PTPRG: variants seen among roughly 807,000 people sequenced by gnomAD.
PTPRG encodes protein tyrosine phosphatase receptor type G.
In PTPRG, 102 loss-of-function variants were observed where a neutral mutation model predicts 165.3. The ratio of observed to expected loss-of-function variants is 0.62; its 90% CI spans 0.53 to 0.73. The LOEUF (loss-of-function observed/expected upper bound fraction) is 0.73, where lower values mean the gene tolerates loss of function less well. Ranked by LOEUF, PTPRG falls within the 30% of genes least tolerant of loss-of-function variation. The pLI is 0.00. For synonymous variants in PTPRG, 675 were observed against 669.5 expected, an observed-to-expected ratio of 1.01 and a Z score of -0.13; for missense variants, 1,866 against 1,861.4, an observed-to-expected ratio of 1.00 and a Z score of -0.05.
intron 2 of PTPRG, among the ~76,000 whole-genome samples, chr3:61,898,566 C>G (rs562894244): frequency 1.3e-5 from 2 of 152,140 alleles, no homozygotes; most frequent in Non-Finnish European, 2.9e-5. Context: ...ATATTTAAAC[C>G]TAGCTTTTCT....
At chr3:62,116,404 A>T (rs1702871622) in intron 5 of PTPRG, among the ~76,000 whole-genome samples, 1 of 152,212 alleles carries the variant, frequency 6.6e-6, no homozygotes, top group South Asian at 2.1e-4. Context: ...GCTTTATGCA[A>T]CAGAAAGAGA....
At chr3:62,024,321 G>A (rs2041761124) in intron 4 of PTPRG, among the ~76,000 whole-genome samples, 1 of 152,074 alleles carries the variant, frequency 6.6e-6, no homozygotes, top group African/African-American at 2.4e-5. Flanking sequence ...TACTTTTACA[G>A]AACTCCCATC....
At chr3:61,918,483 T>C (rs2038996948) in intron 2 of PTPRG, among the ~76,000 whole-genome samples, 2 of 152,204 alleles carry the variant, frequency 1.3e-5, no homozygotes, top group South Asian at 4.1e-4. Flanking sequence ...GTGTTTGAGA[T>C]ACTAATTATT....
chr3:62,106,674 T>G (rs1280696000), intron 5 of PTPRG, among the ~76,000 whole-genome samples: 1 of 152,168 alleles, frequency 6.6e-6, no homozygotes, highest in Admixed American at 6.5e-5. Flanking sequence ...TGCTAACTTT[T>G]GTATGTTTTG....
intron 2 of PTPRG, among the ~76,000 whole-genome samples, chr3:61,946,945 T>A (rs2039775357): frequency 6.6e-6 from 1 of 152,210 alleles, no homozygotes; most frequent in Non-Finnish European, 1.5e-5. Flanking sequence ...TGACAGCTCT[T>A]ATTAAAAGGA....
chr3:61,747,885 C>T (rs867273268), intron 1 of PTPRG, among the ~76,000 whole-genome samples: 1 of 151,848 alleles, frequency 6.6e-6, no homozygotes, highest in Non-Finnish European at 1.5e-5. Context: ...CGTGTAATTC[C>T]GTTTCATTTT....
At chr3:62,004,729 G>A (rs925774135) in intron 4 of PTPRG, among the ~76,000 whole-genome samples, 2 of 152,184 alleles carry the variant, frequency 1.3e-5, no homozygotes, top group Admixed American at 6.5e-5. Context: ...AGTTCCAGCC[G>A]ATGGCTGTAT....
chr3:61,565,318 A>G (rs193237304), intron 1 of PTPRG, among the ~76,000 whole-genome samples: 11 of 152,308 alleles, frequency 7.2e-5, no homozygotes, highest in Admixed American at 5.9e-4. Context: ...ACCAAACATG[A>G]TATTAGGCAT....
At chr3:61,729,392 A>G (rs757631612) in intron 1 of PTPRG, among the ~76,000 whole-genome samples, 6 of 152,126 alleles carry the variant, frequency 3.9e-5, no homozygotes, top group East Asian at 1.9e-4. Context: ...AAAAACCGCT[A>G]TATTTTTGGG....
intron 2 of PTPRG, among the ~76,000 whole-genome samples, chr3:61,867,085 A>G (rs1489972113): frequency 2.0e-5 from 3 of 152,136 alleles, no homozygotes; most frequent in East Asian, 3.9e-4. Flanking sequence ...AGGGATCAGT[A>G]CCAGATGGCC....
intron 2 of PTPRG, among the ~76,000 whole-genome samples, chr3:61,808,598 T>A (rs1416334183): frequency 6.6e-6 from 1 of 152,176 alleles, no homozygotes; most frequent in Non-Finnish European, 1.5e-5. Flanking sequence ...CATTTAATTA[T>A]GTAGGACACA....
At chr3:61,704,995 A>C (rs1447189521) in intron 1 of PTPRG, among the ~76,000 whole-genome samples, 1 of 152,180 alleles carries the variant, frequency 6.6e-6, no homozygotes. Flanking sequence ...CTGTTAAATC[A>C]TGTTAAAGCC....
chr3:62,032,604 T>A (rs1699805079), intron 4 of PTPRG, among the ~76,000 whole-genome samples: 1 of 152,138 alleles, frequency 6.6e-6, no homozygotes, highest in Admixed American at 6.5e-5. Context: ...GAAGACGTTT[T>A]CCTTGACAGC....
chr3:61,809,687 A>T (rs1054999837), intron 2 of PTPRG, among the ~76,000 whole-genome samples: 1 of 152,190 alleles, frequency 6.6e-6, no homozygotes, highest in Admixed American at 6.5e-5. Flanking sequence ...AGAAAATAAT[A>T]TAGTTATTCT....
intron 2 of PTPRG, among the ~76,000 whole-genome samples, chr3:61,973,977 A>AT (rs1387287545): frequency 2.4e-4 from 36 of 151,446 alleles, no homozygotes; most frequent in Admixed American, 1.2e-3. Context: ...ACTGTCAGAG[A>AT]TTTTTTTTTC....
At chr3:61,702,682 A>G (rs1477418110) in intron 1 of PTPRG, among the ~76,000 whole-genome samples, 6 of 151,750 alleles carry the variant, frequency 4.0e-5, no homozygotes, top group Non-Finnish European at 2.9e-5. Flanking sequence ...ATTTTTCCCA[A>G]CCCCCCACCA....
chr3:62,223,750 G>A (rs950254405), intron 13 of PTPRG, among the ~76,000 whole-genome samples: 10 of 152,072 alleles, frequency 6.6e-5, no homozygotes, highest in Non-Finnish European at 1.3e-4. Flanking sequence ...TGTAACTCTG[G>A]GTCCTGGTAT....
chr3:61,909,941 C>T (rs2038758843), intron 2 of PTPRG, among the ~76,000 whole-genome samples: 1 of 152,184 alleles, frequency 6.6e-6, no homozygotes, highest in African/African-American at 2.4e-5. Flanking sequence ...TCATACTCTT[C>T]ATGGCATACT....
At chr3:61,949,057 A>G (rs1231300143) in intron 2 of PTPRG, among the ~76,000 whole-genome samples, 1 of 151,790 alleles carries the variant, frequency 6.6e-6, no homozygotes, top group African/African-American at 2.4e-5. Context: ...AAAAAAAAAA[A>G]GCCATGGGAC....
Sources: gnomAD v4.1 joint callset for allele counts (sites outside exome capture counted in the v4.1 genomes callset) on GRCh38, gnomAD v4.1.1 for gene constraint, MANE v1.5 for transcripts, NCBI Gene and HGNC (gene_info 2026-07-23, HGNC 2026-07-21) for gene names.